The following LRRC9 variants were observed in gnomAD, a reference collection of about 807,000 sequenced individuals.
LRRC9 encodes the protein leucine rich repeat containing 9.
LRRC9 carries 122 observed loss-of-function variants against 63.2 expected under a neutral mutation model. The observed-to-expected ratio is 1.93, with a 90% CI of 1.67 to 2.24. The LOEUF is 2.24. Ranked by LOEUF, LRRC9 falls within the 30% of genes most tolerant of loss-of-function variation. LRRC9 has a pLI of 0.00. For missense variants in LRRC9, 1,071 were observed against 627.7 expected (o/e 1.71, Z -7.55); for synonymous variants, 366 against 213.1 (o/e 1.72, Z -6.25).
At chr14:59,951,718 A>G (rs1224779795) in intron 8 of LRRC9, among the ~76,000 whole-genome samples, 1 of 150,952 alleles carries the variant, frequency 6.6e-6, no homozygotes, top group Non-Finnish European at 1.5e-5. Flanking sequence ...CTTCTAACAG[A>G]CAGGACCCTC....
chr14:60,025,797 G>A (rs1891507142), intron 27 of LRRC9, among the ~76,000 whole-genome samples: 1 of 152,060 alleles, frequency 6.6e-6, no homozygotes, highest in South Asian at 2.1e-4. Context: ...AGCACATGCA[G>A]TTTCTATCCA....
At chr14:59,951,770 G>T (rs981739934) in intron 8 of LRRC9, among the ~76,000 whole-genome samples, 38 of 152,098 alleles carry the variant, frequency 2.5e-4, no homozygotes, top group Non-Finnish European at 4.8e-4. Flanking sequence ...TGAGGTGTCA[G>T]TGTGCCCCTG....
intron 8 of LRRC9, among the ~76,000 whole-genome samples, chr14:59,953,455 T>C (rs550007342): frequency 2.0e-5 from 3 of 152,364 alleles, no homozygotes; most frequent in Admixed American, 6.5e-5. Flanking sequence ...CATAAATGTC[T>C]TCTTTTGAGA....
In LRRC9 at chr14:60,003,849, C is replaced by A; in HGVS notation, c.2842+51C>A. On this transcript the variant is annotated intron_variant, in intron 21 of 31. Transcript: ENST00000445360. The surrounding 1 kb of genome is among the most constrained non-coding windows in gnomAD (Gnocchi z 4.2). Reference sequence around the variant, plus strand: ...CTCAAAATATGGGATGTCTAAACAACAAAGCAAAAAATAACCCTGGGAACA... The same window carrying A: ...CTCAAAATATGGGATGTCTAAACAAAAAAGCAAAAAATAACCCTGGGAACA... The A allele has an allele frequency of 9.5e-6, 5 of 528,512 alleles. No homozygotes were observed. Among genetic ancestry groups the A allele is most frequent in the African/African-American group, 5.9e-5 (3 of 50,532 alleles). The allele number at this position is 528,512 out of a possible 1,614,324, so 32.7% of individuals were successfully genotyped here.
chr14:59,989,640 A>AT (rs1414940191), intron 17 of LRRC9, among the ~76,000 whole-genome samples: 1 of 151,830 alleles, frequency 6.6e-6, no homozygotes, highest in Non-Finnish European at 1.5e-5. Context: ...TCTTGAGCAT[A>AT]TTTTTCTGGT....
chr14:60,025,610 G>T (rs981372892), intron 27 of LRRC9, among the ~76,000 whole-genome samples: 1 of 150,292 alleles, frequency 6.7e-6, no homozygotes, highest in Non-Finnish European at 1.5e-5. Flanking sequence ...CAAGGTGTTT[G>T]TCTACATAGA....
At chr14:59,975,268 C>T (rs1372682871) in intron 13 of LRRC9, among the ~76,000 whole-genome samples, 4 of 148,708 alleles carry the variant, frequency 2.7e-5, no homozygotes, top group Non-Finnish European at 4.5e-5. Flanking sequence ...TAAAGTACTC[C>T]GGAAGATAGG....
At chr14:59,969,390 C>T (rs1400254150) in intron 12 of LRRC9, 3 of 152,134 alleles carry the variant, frequency 2.0e-5, no homozygotes, top group Non-Finnish European at 2.9e-5. Context: ...CAATTACTGT[C>T]ATTGTTAAGA....
At chr14:59,978,175 T>A in intron 15 of LRRC9, 43 bp downstream of exon 15, 1 of 694,856 alleles carries the variant, frequency 1.4e-6, no homozygotes. Flanking sequence ...TCTAATTCCT[T>A]AAATGGGAAC....
chr14:60,065,141 G>A (rs1229258644), downstream of LRRC9, among the ~76,000 whole-genome samples: 1 of 152,034 alleles, frequency 6.6e-6, no homozygotes, highest in Non-Finnish European at 1.5e-5. Flanking sequence ...CAGCACTTTG[G>A]GAGGCCAAGG....
intron 29 of LRRC9, among the ~76,000 whole-genome samples, chr14:60,039,313 G>A (rs1248596645): frequency 6.6e-6 from 1 of 152,106 alleles, no homozygotes; most frequent in Non-Finnish European, 1.5e-5. Context: ...TTTTTCTATT[G>A]ATTGGAATAG....
At position 59,922,525 on chromosome 14, in the gene LRRC9, AAG is replaced by A. The variant is rs1220360584; in HGVS notation, c.-34+2645_-34+2646del. Among the ~76,000 whole-genome samples the A allele has an allele frequency of 1.3e-5, 2 of 152,210 alleles. No individual in the cohort carries two copies. Among genetic ancestry groups the A allele is most frequent in the African/African-American group, 2.4e-5 (1 of 41,460 alleles). Reference sequence around the variant, plus strand: ...GACAAGGAAATTTGGCAATAAATGAAAGAGGAAAATTTGACAGCAGTATTCTG... The same window carrying A: ...GACAAGGAAATTTGGCAATAAATGAAAGGAAAATTTGACAGCAGTATTCTG... On this transcript the variant is annotated intron_variant, in intron 1 of 31. Transcript: ENST00000445360. The surrounding 1 kb of genome is among the most constrained non-coding windows in gnomAD (Gnocchi z 5.3).
At chr14:59,920,060 C>G (rs1888636082) in intron 1 of LRRC9, 84 bp from the exon 1 acceptor site, 1 of 150,214 alleles carries the variant, frequency 6.7e-6, no homozygotes, top group Non-Finnish European at 1.5e-5. Context: ...ACCCTTTTAT[C>G]CCCCTCCCCG....
chr14:60,044,341 C>A (rs918632278), intron 29 of LRRC9, among the ~76,000 whole-genome samples: 2 of 151,918 alleles, frequency 1.3e-5, no homozygotes, highest in African/African-American at 4.8e-5. Flanking sequence ...TAATTTAGGG[C>A]TTGGCTTGTT....
intron 31 of LRRC9, chr14:60,062,170 A>G (rs1410095473): frequency 7.5e-6 from 3 of 398,654 alleles, no homozygotes; most frequent in Non-Finnish European, 1.3e-5. Context: ...AGCAACCAAG[A>G]TAAGAGAAGG....
intron 1 of LRRC9, among the ~76,000 whole-genome samples, chr14:59,926,079 G>A (rs202084876): frequency 2.7e-4 from 41 of 152,060 alleles, no homozygotes; most frequent in East Asian, 2.1e-3. Flanking sequence ...GGCCTTCCCA[G>A]CCATATGAAA....
intron 1 of LRRC9, among the ~76,000 whole-genome samples, chr14:59,926,215 T>C (rs1370939581): frequency 6.6e-6 from 1 of 152,210 alleles, no homozygotes; most frequent in Admixed American, 6.5e-5. Flanking sequence ...GTTGTCTGTG[T>C]CATATTTAAA....
intron 17 of LRRC9, among the ~76,000 whole-genome samples, chr14:59,985,654 G>A (rs1202910978): frequency 1.3e-5 from 2 of 152,142 alleles, no homozygotes; most frequent in African/African-American, 4.8e-5. Context: ...TGAAAAAAGA[G>A]CTGTCCTTTT....
In LRRC9 at chr14:60,053,601, G is replaced by A. The variant is rs1363264128; in HGVS notation, c.4131+396G>A. On this transcript the variant is annotated intron_variant, in intron 30 of 31. Coordinates refer to ENST00000445360, the Ensembl canonical transcript of LRRC9. This position sits in a 1 kb window ranked among gnomAD's most constrained non-coding sequence, Gnocchi z 4.8. ...AAAACTATTTCCCTTTAGGCACACA[G>A]AAAGGGAAGGAAGGAATTCTGAACT... 6.6e-6 allele frequency among the ~76,000 whole-genome samples: 1 copy of A among 152,140 alleles called. No individual in the cohort carries two copies. Among genetic ancestry groups the A allele is most frequent in the Non-Finnish European group, 1.5e-5 (1 of 68,026 alleles).
Sources: allele counts gnomAD v4.1 joint callset (sites outside exome capture counted in the v4.1 genomes callset), GRCh38; gene constraint gnomAD v4.1.1; non-coding constraint Gnocchi (gnomAD v3.1); transcripts MANE v1.5; gene names NCBI Gene and HGNC (gene_info 2026-07-23, HGNC 2026-07-21).